The following B3GNT2 variants were observed in gnomAD, a reference collection of about 807,000 sequenced individuals.
B3GNT2 encodes the protein UDP-GlcNAc:betaGal beta-1,3-N-acetylglucosaminyltransferase 2.
In B3GNT2, 12 loss-of-function variants were observed where a neutral mutation model predicts 27.6. That is an observed-to-expected ratio of 0.44 (90% CI 0.28 to 0.71). The LOEUF (loss-of-function observed/expected upper bound fraction) is 0.71, where lower values mean the gene tolerates loss of function less well. B3GNT2 is among the 30% of genes least tolerant of loss of function. The pLI, the probability that B3GNT2 is intolerant of heterozygous loss-of-function variation, is 0.17. For missense variants in B3GNT2, 413 were observed against 488.5 expected (o/e 0.85, Z 1.46); for synonymous variants, 192 against 189.7 (o/e 1.01, Z -0.10).
rs756777348 is a variant in B3GNT2, at chr2:62,222,627, A to G, written c.407A>G (p.Asp136Gly). ...RNYSLLIDQP[D>G]KCAKKPFLLL... ...TATTCACTGCTTATAGATCAGCCGG[A>G]TAAGTGTGCAAAGAAACCTTTCTTG... The change falls in exon 2 of 2, where the codon GAT becomes GGT. Residue 136 changes from aspartate (D) to glycine (G), a missense_variant. By Grantham distance (94) the Asp-to-Gly change is moderately conservative. Transcript: ENST00000301998. The surrounding 1 kb of genome is among the most constrained non-coding windows in gnomAD (Gnocchi z 4.2). The G allele has an allele frequency of 1.2e-6, 2 of 1,614,254 alleles. No individual in the cohort carries two copies. The highest frequency in any genetic ancestry group is 2.2e-5 in the South Asian group (2 of 91,086).
intron 1 of B3GNT2, among the ~76,000 whole-genome samples, chr2:62,211,666 C>G (rs1020986934): frequency 6.6e-6 from 1 of 152,222 alleles, no homozygotes; most frequent in African/African-American, 2.4e-5. Context: ...GAAGCAGCCA[C>G]AGCTTCACAT....
intron 1 of B3GNT2, among the ~76,000 whole-genome samples, chr2:62,207,465 G>T (rs1010210362): frequency 6.6e-6 from 1 of 152,178 alleles, no homozygotes; most frequent in Non-Finnish European, 1.5e-5. Flanking sequence ...TGGTTGTTTT[G>T]AAAGAGTTTG....
intron 1 of B3GNT2, among the ~76,000 whole-genome samples, chr2:62,213,473 G>A (rs1042688363): frequency 2.6e-5 from 4 of 152,144 alleles, no homozygotes; most frequent in Non-Finnish European, 5.9e-5. Context: ...TGGGATAAGG[G>A]TGCAGGAGGG....
chr2:62,209,243 AC>A (rs962733001), intron 1 of B3GNT2, among the ~76,000 whole-genome samples: 1 of 152,058 alleles, frequency 6.6e-6, no homozygotes, highest in African/African-American at 2.4e-5. Flanking sequence ...GATAATTTTG[AC>A]TACTGGACTG....
chr2:62,220,162 G>C (rs1368218100), intron 1 of B3GNT2, among the ~76,000 whole-genome samples: 1 of 152,250 alleles, frequency 6.6e-6, no homozygotes, highest in Non-Finnish European at 1.5e-5. Flanking sequence ...GAAGGGATCA[G>C]TTTTATGGAG....
At chr2:62,203,131 G>A (rs765397431) in intron 1 of B3GNT2, among the ~76,000 whole-genome samples, 5 of 152,162 alleles carry the variant, frequency 3.3e-5, no homozygotes, top group African/African-American at 9.7e-5. Context: ...TTAAGTAGGC[G>A]TTTGACATTT....
intron 1 of B3GNT2, among the ~76,000 whole-genome samples, chr2:62,211,701 C>T (rs888663347): frequency 1.3e-5 from 2 of 152,276 alleles, no homozygotes; most frequent in East Asian, 3.9e-4. Flanking sequence ...AGCCCTGGGC[C>T]CCACCAGCTC....
At position 62,223,824 on chromosome 2, in the gene B3GNT2, A is replaced by ACATT. The variant is rs1254043429; in HGVS notation, c.*411_*414dup. ...CTATTGGCTACAAAGACTTTGTTAA[A>ACATT]CATTATCCAGTGGTTTTCGTGAAAT... On this transcript the variant is annotated 3_prime_UTR_variant, in exon 2 of 2. Coordinates refer to ENST00000301998, the MANE Select transcript of B3GNT2 (RefSeq NM_006577.6). 5.9e-6 allele frequency: 1 copy of ACATT among 170,038 alleles called. No individual in the cohort carries two copies. Among genetic ancestry groups the ACATT allele is most frequent in the East Asian group, 1.9e-4 (1 of 5,284 alleles). The allele number at this position is 170,038 out of a possible 1,614,324, so 10.5% of individuals were successfully genotyped here. A position where few individuals can be genotyped will look rare whatever the true frequency, so the allele number is the denominator to read the frequency against.
Position 62,222,412 on chromosome 2 carries a change from G to A in B3GNT2, c.192G>A (p.Glu64=), listed in dbSNP as rs1674718429. 6.2e-7 allele frequency: 1 copy of A among 1,614,008 alleles called. No homozygotes were observed. Among genetic ancestry groups the A allele is most frequent in the Admixed American group, 1.7e-5 (1 of 59,992 alleles). ...PPEAYWNREQ[E]KLNRQYNPIL... is the part of the protein sequence containing the mutation. Reference sequence around the variant, plus strand: ...AGGCATACTGGAACCGAGAGCAAGAGAAGCTGAACCGGCAGTACAACCCCA... The same window carrying A: ...AGGCATACTGGAACCGAGAGCAAGAAAAGCTGAACCGGCAGTACAACCCCA... The change falls in exon 2 of 2, where the codon GAG becomes GAA. Residue 64 remains glutamate, a synonymous_variant. Transcript: ENST00000301998. The surrounding 1 kb of genome is among the most constrained non-coding windows in gnomAD (Gnocchi z 4.2).
rs1265670893 is a variant in B3GNT2 at position 62,224,223 on chromosome 2, CAT to C, written c.*812_*813del. On this transcript the variant is annotated 3_prime_UTR_variant, in exon 2 of 2. Coordinates refer to ENST00000301998, the MANE Select transcript of B3GNT2 (RefSeq NM_006577.6). ...GAATTTTCAATATGGACCAGGAAGG[CAT>C]ATGTATTTTGAACTTGAGTGAAAAG... The C allele has an allele frequency of 1.2e-5, 2 of 167,024 alleles. No homozygotes were observed. The highest frequency in any genetic ancestry group is 2.9e-5 in the Non-Finnish European group (2 of 68,120). The allele number at this position is 167,024 out of a possible 1,614,324, so 10.3% of individuals were successfully genotyped here.
intron 1 of B3GNT2, chr2:62,215,458 C>T (rs1047189196): frequency 2.0e-5 from 3 of 152,300 alleles, no homozygotes; most frequent in African/African-American, 7.2e-5. Context: ...CTGAGCTGCT[C>T]CACTCACACC....
At chr2:62,221,190 G>A (rs1410077692) in intron 1 of B3GNT2, among the ~76,000 whole-genome samples, 1 of 152,146 alleles carries the variant, frequency 6.6e-6, no homozygotes, top group East Asian at 1.9e-4. Flanking sequence ...ATGAAAATTT[G>A]GGTCTGGCCT....
At chr2:62,209,865 C>T (rs533033598) in intron 1 of B3GNT2, among the ~76,000 whole-genome samples, 48 of 152,248 alleles carry the variant, frequency 3.2e-4, no homozygotes, top group African/African-American at 1.1e-3. Context: ...GTGTTTAAGA[C>T]GAGGCTAGTT....
chr2:62,217,312 G>A (rs1369238651), intron 1 of B3GNT2, among the ~76,000 whole-genome samples: 3 of 152,192 alleles, frequency 2.0e-5, no homozygotes, highest in Non-Finnish European at 4.4e-5. Flanking sequence ...CTGGGTTTGA[G>A]TCCTGGCTCT....
intron 1 of B3GNT2, among the ~76,000 whole-genome samples, chr2:62,203,333 C>A (rs534887207): frequency 6.6e-6 from 1 of 152,082 alleles, no homozygotes; most frequent in South Asian, 2.1e-4. Flanking sequence ...GGCCATGACA[C>A]AGGTATATTG....
rs1226080606 is a variant in B3GNT2, at chr2:62,224,670, G to T, written c.*1256G>T. The T allele has an allele frequency of 1.8e-5, 3 of 167,014 alleles. No individual in the cohort carries two copies. Among genetic ancestry groups the T allele is most frequent in the African/African-American group, 7.2e-5 (3 of 41,424 alleles). 10.3% of individuals were successfully genotyped at this position (167,014 alleles called of 1,614,324 possible). A position where few individuals can be genotyped will look rare whatever the true frequency, so the allele number is the denominator to read the frequency against. ...AATATTTTTGTTTATAGAATTGAAG[G>T]TTCTTATCAGATGGGATACTGGGGA... On this transcript the variant is annotated 3_prime_UTR_variant, in exon 2 of 2. Coordinates refer to ENST00000301998, the MANE Select transcript of B3GNT2 (RefSeq NM_006577.6).
chr2:62,223,130 G>A lies in B3GNT2; in HGVS notation c.910G>A (p.Ala304Thr). Residue 304 changes from alanine (A) to threonine (T), a missense_variant, in exon 2 of 2, where the codon GCA becomes ACA. Physicochemically the swap from Ala to Thr is moderately conservative, Grantham distance 58. Transcript: ENST00000301998. ...VVYSGLYPPY[A>T]GGGGFLYSGH... ...TTACTCTGGCCTCTACCCACCCTAT[G>A]CAGGGGGAGGGGGGTTCCTCTACTC... 1 of 1,614,188 alleles carries A rather than the reference G, an allele frequency of 6.2e-7. No individual in the cohort carries two copies. Among genetic ancestry groups the A allele is most frequent in the Non-Finnish European group, 8.5e-7 (1 of 1,180,030 alleles).
At chr2:62,206,914 G>A (rs1428897599) in intron 1 of B3GNT2, among the ~76,000 whole-genome samples, 1 of 152,182 alleles carries the variant, frequency 6.6e-6, no homozygotes, top group Non-Finnish European at 1.5e-5. Context: ...TTAAGAAAAT[G>A]TGTCACTGGA....
chr2:62,213,282 G>A (rs1240999292), intron 1 of B3GNT2, among the ~76,000 whole-genome samples: 4 of 152,194 alleles, frequency 2.6e-5, no homozygotes, highest in South Asian at 2.1e-4. Flanking sequence ...GGGCGACAGC[G>A]GAGACCCTGT....
Sources: gnomAD v4.1 joint callset for allele counts (sites outside exome capture counted in the v4.1 genomes callset) on GRCh38, gnomAD v4.1.1 for gene constraint, Gnocchi (gnomAD v3.1) non-coding constraint, MANE v1.5 for transcripts, NCBI Gene and HGNC (gene_info 2026-07-23, HGNC 2026-07-21) for gene names.